The following PPP1R12A variants were observed in gnomAD, a reference collection of about 807,000 sequenced individuals.
PPP1R12A encodes myosin binding subunit.
Under a neutral mutation model 139.6 loss-of-function variants are expected in PPP1R12A, and 19 were observed. The ratio of observed to expected loss-of-function variants is 0.14; its 90% CI spans 0.09 to 0.20. PPP1R12A has a LOEUF of 0.20. Ranked by LOEUF, PPP1R12A falls within the 10% of genes least tolerant of loss-of-function variation. The probability of loss-of-function intolerance (pLI) is 1.00; values close to 1 mark genes in which losing one functional copy is unlikely to be tolerated. For synonymous variants in PPP1R12A, 427 were observed against 420.6 expected (o/e 1.02, Z -0.19); for missense variants, 925 against 1,211.5 (o/e 0.76, Z 3.51).
chr12:79,793,955 T>C, intron 18 of PPP1R12A, 27 bp from the exon 19 acceptor site: 1 of 1,483,298 alleles, frequency 6.7e-7, no homozygotes, highest in Non-Finnish European at 9.1e-7. Context: ...AATTTATATT[T>C]TAGGAAATTT....
chr12:79,893,129 C>A (rs1884817341), intron 1 of PPP1R12A, among the ~76,000 whole-genome samples: 1 of 151,040 alleles, frequency 6.6e-6, no homozygotes, highest in African/African-American at 2.4e-5. Flanking sequence ...AAGTAATTAA[C>A]TACAGTAATT....
intron 11 of PPP1R12A, among the ~76,000 whole-genome samples, chr12:79,807,637 G>A (rs1237149187): frequency 1.3e-5 from 2 of 151,102 alleles, no homozygotes; most frequent in Non-Finnish European, 2.9e-5. Flanking sequence ...GTTATGTGCC[G>A]ACAAAAAAAA....
intron 1 of PPP1R12A, among the ~76,000 whole-genome samples, chr12:79,884,092 C>T (rs534170498): frequency 6.6e-4 from 100 of 152,186 alleles, no homozygotes; most frequent in African/African-American, 2.2e-3. Flanking sequence ...AAGCCAAATA[C>T]GGTGAGGTAA....
At chr12:79,866,970 T>C (rs1176533872) in intron 2 of PPP1R12A, among the ~76,000 whole-genome samples, 1 of 152,136 alleles carries the variant, frequency 6.6e-6, no homozygotes. Flanking sequence ...CATTACTGGG[T>C]AGATACCCAA....
chr12:79,817,962 A>G (rs1454072283), intron 8 of PPP1R12A, among the ~76,000 whole-genome samples: 1 of 152,172 alleles, frequency 6.6e-6, no homozygotes, highest in Non-Finnish European at 1.5e-5. Context: ...TTTGTCAATA[A>G]TTACCTTACA....
At chr12:79,916,332 G>C (rs1300489135) in intron 1 of PPP1R12A, among the ~76,000 whole-genome samples, 1 of 151,710 alleles carries the variant, frequency 6.6e-6, no homozygotes, top group Admixed American at 6.6e-5. Flanking sequence ...GTAACTATGG[G>C]CTTCAACATT....
chr12:79,810,496 G>A (rs1002234149), intron 9 of PPP1R12A, among the ~76,000 whole-genome samples: 1 of 152,054 alleles, frequency 6.6e-6, no homozygotes, highest in Admixed American at 6.6e-5. Flanking sequence ...GGCATGATAG[G>A]AGCAATGAAA....
chr12:79,874,718 T>C (rs1411888105), intron 1 of PPP1R12A, among the ~76,000 whole-genome samples: 1 of 152,178 alleles, frequency 6.6e-6, no homozygotes, highest in Non-Finnish European at 1.5e-5. Flanking sequence ...AGGGAACTTT[T>C]ATCAAATGCT....
intron 8 of PPP1R12A, chr12:79,819,196 T>A (rs1013097977): frequency 6.6e-6 from 1 of 152,218 alleles, no homozygotes; most frequent in Non-Finnish European, 1.5e-5. Flanking sequence ...TACAATGCAA[T>A]TTGATGGTAA....
chr12:79,781,166 G>T (rs1870398535), intron 23 of PPP1R12A, among the ~76,000 whole-genome samples: 1 of 152,000 alleles, frequency 6.6e-6, no homozygotes, highest in Non-Finnish European at 1.5e-5. Context: ...GGCTAAACTT[G>T]TACAGTTATT....
chr12:79,930,448 G>GA (rs1888164689), intron 1 of PPP1R12A, among the ~76,000 whole-genome samples: 1 of 152,038 alleles, frequency 6.6e-6, no homozygotes, highest in African/African-American at 2.4e-5. Flanking sequence ...ATAGAGGCAG[G>GA]AAAAACAATT....
chr12:79,819,402 C>A (rs1259542982), intron 8 of PPP1R12A: 1 of 152,096 alleles, frequency 6.6e-6, no homozygotes. Flanking sequence ...GACTTGTATA[C>A]AAACAAGGGC....
At chr12:79,793,800 C>A in intron 19 of PPP1R12A, 63 bp downstream of exon 19, 1 of 1,294,166 alleles carries the variant, frequency 7.7e-7, no homozygotes, top group Non-Finnish European at 1.1e-6. Flanking sequence ...TAATAAAACG[C>A]AATTTAAAAG....
intron 19 of PPP1R12A, among the ~76,000 whole-genome samples, chr12:79,791,688 T>C (rs1032457777): frequency 3.9e-5 from 6 of 152,234 alleles, no homozygotes; most frequent in African/African-American, 1.4e-4. Context: ...AAATTTACCA[T>C]GTAAACCATT....
intron 1 of PPP1R12A, among the ~76,000 whole-genome samples, chr12:79,907,951 T>C (rs1313716358): frequency 1.3e-5 from 2 of 152,222 alleles, no homozygotes; most frequent in Non-Finnish European, 2.9e-5. Flanking sequence ...ACTGCTATAC[T>C]GTATTCTGTG....
chr12:79,863,649 A>T (rs1881619565), intron 2 of PPP1R12A, among the ~76,000 whole-genome samples: 1 of 9,062 alleles, frequency 1.1e-4, no homozygotes, highest in South Asian at 1.8e-3. Flanking sequence ...GAAAGCAAAA[A>T]AAAAAAAAAA....
At chr12:79,903,279 C>A (rs1463734619) in intron 1 of PPP1R12A, among the ~76,000 whole-genome samples, 2 of 151,942 alleles carry the variant, frequency 1.3e-5, no homozygotes, top group African/African-American at 4.8e-5. Context: ...TGTGAAACCC[C>A]ATCTCTACTA....
At chr12:79,907,310 T>A (rs1886211166) in intron 1 of PPP1R12A, among the ~76,000 whole-genome samples, 1 of 152,186 alleles carries the variant, frequency 6.6e-6, no homozygotes, top group African/African-American at 2.4e-5. Context: ...ATAAACATAT[T>A]TTAGCTTTAA....
chr12:79,900,815 T>C (rs1323749402), intron 1 of PPP1R12A, among the ~76,000 whole-genome samples: 1 of 152,180 alleles, frequency 6.6e-6, no homozygotes, highest in Non-Finnish European at 1.5e-5. Context: ...ATTGTCCATC[T>C]ATTAAAAATC....
Sources: gnomAD v4.1 joint callset for allele counts (sites outside exome capture counted in the v4.1 genomes callset) on GRCh38, gnomAD v4.1.1 for gene constraint, MANE v1.5 for transcripts, NCBI Gene and HGNC (gene_info 2026-07-23, HGNC 2026-07-21) for gene names.